The following ANXA4 variants were observed in gnomAD, a reference collection of about 807,000 sequenced individuals.
ANXA4 encodes annexin A4.
A neutral mutation model predicts 49.8 loss-of-function variants in ANXA4; 39 were observed. The observed-to-expected ratio is 0.78, with a 90% CI of 0.61 to 1.02. The LOEUF (loss-of-function observed/expected upper bound fraction) is 1.02. Among genes scored for constraint, ANXA4 ranks in the 50% least tolerant of loss-of-function variants. ANXA4 has a pLI of 0.00. For missense variants in ANXA4, 360 were observed against 410.1 expected (o/e 0.88, Z 1.05); for synonymous variants, 134 against 152.5 (o/e 0.88, Z 0.89).
chr2:69,689,141 G>A (rs1324104542), intron 2 of ANXA4, among the ~76,000 whole-genome samples: 1 of 151,958 alleles, frequency 6.6e-6, no homozygotes, highest in Non-Finnish European at 1.5e-5. Flanking sequence ...ACTCAGGCTG[G>A]AGTAAAGTGG....
intron 12 of ANXA4, among the ~76,000 whole-genome samples, chr2:69,824,343 A>G (rs1674368291): frequency 6.6e-6 from 1 of 151,998 alleles, no homozygotes; most frequent in Non-Finnish European, 1.5e-5. Flanking sequence ...TCTCTACTAA[A>G]AAAATAAAAA....
intron 2 of ANXA4, among the ~76,000 whole-genome samples, chr2:69,696,795 C>T (rs540561147): frequency 5.3e-5 from 8 of 152,142 alleles, no homozygotes; most frequent in Non-Finnish European, 1.0e-4. Context: ...GGTGCATTGT[C>T]AAGAAGCAGT....
chr2:69,727,119 C>T (rs1669981026), intron 3 of ANXA4, among the ~76,000 whole-genome samples: 1 of 152,210 alleles, frequency 6.6e-6, no homozygotes, highest in Admixed American at 6.5e-5. Flanking sequence ...AGCAATCCTC[C>T]CACCTTGGCC....
chr2:69,643,811 G>A (rs945934274), upstream of ANXA4: 2 of 1,184,770 alleles, frequency 1.7e-6, no homozygotes, highest in Non-Finnish European at 2.1e-6. Flanking sequence ...AACCGCCGCC[G>A]GAAGTGCCCC....
chr2:69,742,548 C>T (rs1040958317), intron 1 of ANXA4, among the ~76,000 whole-genome samples: 6 of 152,236 alleles, frequency 3.9e-5, no homozygotes, highest in African/African-American at 1.4e-4. Context: ...CCTCCTAACA[C>T]CTCTTACAGT....
At chr2:69,742,537 T>A (rs537111712) in intron 1 of ANXA4, among the ~76,000 whole-genome samples, 2 of 150,574 alleles carry the variant, frequency 1.3e-5, no homozygotes, top group East Asian at 3.9e-4. Flanking sequence ...TGTAGCTAAC[T>A]CCTCCTAACA....
chr2:69,660,906 G>A (rs773275849), intron 2 of ANXA4, among the ~76,000 whole-genome samples: 6 of 152,036 alleles, frequency 3.9e-5, no homozygotes, highest in Non-Finnish European at 7.4e-5. Context: ...GGCTGAGAAT[G>A]TCCAGGACTG....
chr2:69,683,656 A>G (rs1677684341), intron 2 of ANXA4, among the ~76,000 whole-genome samples: 1 of 152,056 alleles, frequency 6.6e-6, no homozygotes, highest in Admixed American at 6.6e-5. Flanking sequence ...CTGTCCCTCC[A>G]TACATACCTG....
intron 1 of ANXA4, among the ~76,000 whole-genome samples, chr2:69,744,339 G>A (rs1359714409): frequency 1.3e-5 from 2 of 152,006 alleles, no homozygotes; most frequent in Non-Finnish European, 2.9e-5. Context: ...AAAAACAAGA[G>A]GAGGAGATTT....
chr2:69,753,226 G>A (rs1452128135), intron 1 of ANXA4, among the ~76,000 whole-genome samples: 1 of 152,154 alleles, frequency 6.6e-6, no homozygotes, highest in Non-Finnish European at 1.5e-5. Flanking sequence ...TAAATTTTAA[G>A]TAAGGACTAT....
At chr2:69,737,663 C>T (rs1301055483), upstream of ANXA4, among the ~76,000 whole-genome samples, 6 of 151,986 alleles carry the variant, frequency 3.9e-5, no homozygotes. Flanking sequence ...AGTGGCTGTT[C>T]ACAGGTGTGG....
rs187960045 is a variant in ANXA4, at chr2:69,705,801, G to A, written n.767-14973G>A. Among the ~76,000 whole-genome samples, 4 of 152,048 alleles carry A rather than the reference G, an allele frequency of 2.6e-5. No homozygotes were observed. The East Asian group carries it at 7.7e-4, about 29-fold the overall frequency. On this transcript the variant is annotated intron_variant and non_coding_transcript_variant, in intron 2 of 3. Coordinates refer to the ANXA4 transcript ENST00000418066. ...ACAAAAATTAGCCAGGCCTGGTGCC[G>A]GGCACCTGTAGTCCCAGCTACTTGG...
At position 69,757,238 on chromosome 2, in the gene ANXA4, TTATATATATA is replaced by T. The variant is rs869068494; in HGVS notation, c.-47+15083_-47+15092del. 7.9e-3 allele frequency among the ~76,000 whole-genome samples: 465 copies of T among 59,034 alleles called. 13 individuals are homozygous for T. The highest frequency in any genetic ancestry group is 0.021 in the East Asian group (39 of 1,868). 38.7% of individuals were successfully genotyped at this position (59,034 alleles called of 152,430 possible). A position where few individuals can be genotyped will look rare whatever the true frequency, so the allele number is the denominator to read the frequency against. ...GCCACCGTGCCCAGCCATTTTTGTT[TTATATATATA>T]TATATATATATATATATATTTTTTT... On this transcript the variant is annotated intron_variant, in intron 1 of 12. Coordinates refer to ENST00000394295, the MANE Select transcript of ANXA4 (RefSeq NM_001153.5).
chr2:69,722,600 T>C (rs537720981), intron 3 of ANXA4, among the ~76,000 whole-genome samples: 1 of 152,124 alleles, frequency 6.6e-6, no homozygotes, highest in East Asian at 1.9e-4. Flanking sequence ...GATTAGAGGT[T>C]ACTAGGGTCT....
intron 3 of ANXA4, among the ~76,000 whole-genome samples, chr2:69,726,487 C>T (rs368280856): frequency 7.9e-5 from 12 of 152,212 alleles, no homozygotes; most frequent in African/African-American, 2.2e-4. Flanking sequence ...TAGAAAAATG[C>T]GATGATTTCG....
chr2:69,738,372 G>A (rs780428408), upstream of ANXA4, among the ~76,000 whole-genome samples: 1 of 152,172 alleles, frequency 6.6e-6, no homozygotes, highest in Non-Finnish European at 1.5e-5. Context: ...CAGAGTTCTA[G>A]GAGCCAAGCG....
At chr2:69,774,263 A>G (rs1671868737) in intron 1 of ANXA4, among the ~76,000 whole-genome samples, 1 of 152,094 alleles carries the variant, frequency 6.6e-6, no homozygotes. Flanking sequence ...CTGAGAGAGA[A>G]AATTCAATAA....
At chr2:69,654,997 C>G (rs1045295427) in intron 2 of ANXA4, among the ~76,000 whole-genome samples, 5 of 152,124 alleles carry the variant, frequency 3.3e-5, no homozygotes, top group African/African-American at 1.2e-4. Context: ...AAACTGGACC[C>G]CTTCCTTACA....
chr2:69,648,688 G>T (rs1676100307), intron 1 of ANXA4, among the ~76,000 whole-genome samples: 1 of 151,788 alleles, frequency 6.6e-6, no homozygotes, highest in South Asian at 2.1e-4. Flanking sequence ...GCCGGGCATG[G>T]TGGCATGCAC....
Sources: allele counts gnomAD v4.1 joint callset (sites outside exome capture counted in the v4.1 genomes callset), GRCh38; gene constraint gnomAD v4.1.1; transcripts MANE v1.5; gene names NCBI Gene and HGNC (gene_info 2026-07-23, HGNC 2026-07-21).